Variants in SCRN1 observed in about 807,000 individuals in gnomAD.
SCRN1 encodes the protein secernin-1.
A neutral mutation model predicts 43.3 loss-of-function variants in SCRN1; 19 were observed. The observed-to-expected ratio is 0.44, with a 90% confidence interval of 0.31 to 0.64. The LOEUF (loss-of-function observed/expected upper bound fraction) is 0.64. Among genes scored for constraint, SCRN1 ranks in the 30% least tolerant of loss-of-function variants. The pLI is 0.09. For synonymous variants in SCRN1, 183 were observed against 188.9 expected, an observed-to-expected ratio of 0.97 and a Z score of 0.26; for missense variants, 447 against 524.1, an observed-to-expected ratio of 0.85 and a Z score of 1.44.
At chr7:29,939,828 T>A (rs77088219) in intron 5 of SCRN1, among the ~76,000 whole-genome samples, 1,543 of 152,254 alleles carry the variant, frequency 0.01, 29 homozygotes, top group African/African-American at 0.035. Flanking sequence ...AGTCGCCACA[T>A]ATACCTAAAC....
At chr7:29,948,916 A>C (rs1787822365) in intron 3 of SCRN1, among the ~76,000 whole-genome samples, 2 of 152,192 alleles carry the variant, frequency 1.3e-5, no homozygotes, top group Non-Finnish European at 2.9e-5. Flanking sequence ...GCTGGTTATT[A>C]AACATTTACC....
chr7:29,972,723 G>A (rs961871203), intron 1 of SCRN1, among the ~76,000 whole-genome samples: 1 of 152,192 alleles, frequency 6.6e-6, no homozygotes, highest in African/African-American at 2.4e-5. Context: ...TGTGTGCACT[G>A]ACTAGCTTCA....
rs1231473314 is a variant in SCRN1, at chr7:29,924,034, A to T, written c.1168T>A (p.Ser390Thr). The change falls in exon 8 of 8, where the codon TCC becomes ACC. Residue 390 changes from serine (S) to threonine (T), a missense_variant. Transcript: ENST00000242059. Reference protein sequence around the residue: ...LEAMEEILTSSEPLDPAEVGD... With the variant: ...LEAMEEILTSTEPLDPAEVGD... ...ACTTCCGCAGGGTCCAGTGGCTCGG[A>T]GCTGGTCAGGATTTCTTCCATGGCT... 1.2e-6 allele frequency: 2 copies of T among 1,614,150 alleles called. No homozygotes were observed. The highest frequency in any genetic ancestry group is 1.7e-6 in the Non-Finnish European group (2 of 1,180,024).
At chr7:29,946,601 G>A (rs1787746216) in intron 3 of SCRN1, among the ~76,000 whole-genome samples, 1 of 152,216 alleles carries the variant, frequency 6.6e-6, no homozygotes, top group African/African-American at 2.4e-5. Flanking sequence ...TCCACACTGA[G>A]GCCCTAGACT....
intron 5 of SCRN1, among the ~76,000 whole-genome samples, chr7:29,939,410 T>G (rs1047891979): frequency 6.6e-6 from 1 of 152,148 alleles, no homozygotes; most frequent in African/African-American, 2.4e-5. Context: ...GAGGTCTTGC[T>G]AAGTTACCCA....
chr7:29,984,204 CAAAAAA>C (rs55733700), intron 1 of SCRN1, among the ~76,000 whole-genome samples: 10 of 98,244 alleles, frequency 1.0e-4, no homozygotes, highest in Non-Finnish European at 1.2e-4. Flanking sequence ...AGACAGTCTC[CAAAAAA>C]AAAAAAAAAA....
intron 3 of SCRN1, among the ~76,000 whole-genome samples, chr7:29,951,804 C>G (rs1478613647): frequency 6.6e-6 from 1 of 152,222 alleles, no homozygotes; most frequent in Non-Finnish European, 1.5e-5. Context: ...ATACCTTTAT[C>G]TTAAAATCAG....
At chr7:29,926,908 TC>T (rs1297680302) in intron 6 of SCRN1, among the ~76,000 whole-genome samples, 5 of 151,948 alleles carry the variant, frequency 3.3e-5, no homozygotes, top group African/African-American at 7.3e-5. Context: ...TTGAGAGGAC[TC>T]TTTTAGCAAT....
chr7:29,982,301 ATG>A (rs1311817334), intron 1 of SCRN1, among the ~76,000 whole-genome samples: 1 of 152,148 alleles, frequency 6.6e-6, no homozygotes, highest in Non-Finnish European at 1.5e-5. Flanking sequence ...ATATACATAT[ATG>A]TGTGTGTGTA....
intron 1 of SCRN1, among the ~76,000 whole-genome samples, chr7:29,972,806 G>A (rs892370680): frequency 6.6e-6 from 1 of 152,170 alleles, no homozygotes; most frequent in African/African-American, 2.4e-5. Context: ...TGGAAATGTT[G>A]TATGTCCACC....
At chr7:29,961,966 C>T (rs1277588366) in intron 2 of SCRN1, among the ~76,000 whole-genome samples, 1 of 151,924 alleles carries the variant, frequency 6.6e-6, no homozygotes, top group Non-Finnish European at 1.5e-5. Context: ...AAGGGAGAAC[C>T]GCCTGGAAAG....
chr7:29,990,116 T>G (rs1789321015), upstream of SCRN1: 1 of 1,550,316 alleles, frequency 6.5e-7, no homozygotes, highest in Non-Finnish European at 8.7e-7. Flanking sequence ...CTTCCCGACG[T>G]TTGGTTGCTA....
chr7:29,954,437 C>A (rs146171761), intron 3 of SCRN1, among the ~76,000 whole-genome samples: 204 of 152,210 alleles, frequency 1.3e-3, no homozygotes, highest in African/African-American at 4.8e-3. Context: ...TCACCACAAT[C>A]TAAGGTTTAG....
chr7:29,932,784 G>A (rs914330111), intron 6 of SCRN1, among the ~76,000 whole-genome samples: 1 of 151,658 alleles, frequency 6.6e-6, no homozygotes, highest in Non-Finnish European at 1.5e-5. Context: ...CCAGCACCCT[G>A]CCACTACTTA....
chr7:29,928,617 G>C (rs1787052527), intron 6 of SCRN1, among the ~76,000 whole-genome samples: 1 of 152,124 alleles, frequency 6.6e-6, no homozygotes, highest in South Asian at 2.1e-4. Flanking sequence ...GATCCACTGG[G>C]AAGCATAAGG....
At chr7:29,962,208 AATT>A (rs1247681056) in intron 2 of SCRN1, among the ~76,000 whole-genome samples, 3 of 148,060 alleles carry the variant, frequency 2.0e-5, no homozygotes, top group Non-Finnish European at 4.5e-5. Flanking sequence ...TAAATTATAC[AATT>A]ATTAAATATA....
chr7:29,933,848 C>T (rs117464318), intron 6 of SCRN1, among the ~76,000 whole-genome samples: 2,936 of 152,264 alleles, frequency 0.019, 35 homozygotes, highest in South Asian at 0.054. Context: ...GGTAAGATCA[C>T]GTTTTTTGGT....
In SCRN1 at chr7:29,936,672, G is replaced by A. The variant is rs777965740; in HGVS notation, c.789C>T (p.Ser263=). 2.3e-5 allele frequency: 36 copies of A among 1,595,004 alleles called. No individual in the cohort carries two copies. The East Asian group carries it at 2.5e-4, about 11-fold the overall frequency. ...TMMNTLRDKA[S]GVCIDSEFFL... ...AAAACTCAGAGTCTATGCACACTCC[G>A]CTGGCTTTGTCCCGTAAGGTGTTCA... Residue 263 remains serine, a synonymous_variant, in exon 6 of 8, where the codon AGC becomes AGT. Coordinates refer to ENST00000242059, the MANE Select transcript of SCRN1 (RefSeq NM_014766.5).
intron 1 of SCRN1, among the ~76,000 whole-genome samples, chr7:29,975,710 G>A (rs1788808351): frequency 6.6e-6 from 1 of 152,136 alleles, no homozygotes; most frequent in African/African-American, 2.4e-5. Flanking sequence ...AGGCTAAAAG[G>A]GCAGGTCTGC....
Sources: gnomAD v4.1 joint callset for allele counts (sites outside exome capture counted in the v4.1 genomes callset) on GRCh38, gnomAD v4.1.1 for gene constraint, MANE v1.5 for transcripts, NCBI Gene and HGNC (gene_info 2026-07-23, HGNC 2026-07-21) for gene names.